ADAMTSL1: variants seen among roughly 807,000 people sequenced by gnomAD.
ADAMTSL1 encodes ADAMTS like 1.
A neutral mutation model predicts 201.8 loss-of-function variants in ADAMTSL1; 126 were observed. The ratio of observed to expected loss-of-function variants is 0.62; its 90% CI spans 0.54 to 0.72. The LOEUF (loss-of-function observed/expected upper bound fraction) is 0.72, where lower values mean the gene tolerates loss of function less well. Among genes scored for constraint, ADAMTSL1 ranks in the 30% least tolerant of loss-of-function variants. The pLI is 0.00. For synonymous variants in ADAMTSL1, 1,121 were observed against 903.4 expected (o/e 1.24, Z -4.32); for missense variants, 2,679 against 2,277.8 (o/e 1.18, Z -3.59).
rs1832841267 is a variant in ADAMTSL1 at position 18,282,790 on chromosome 9, G to A, written c.207+118809G>A. ...CGCAGGCCTGTAATCCCAGCTACTG[G>A]GGAGGCTGAGGCAGGAGAATCGCTT... On this transcript the variant is annotated intron_variant, in intron 2 of 29. Coordinates refer to the ADAMTSL1 transcript ENST00000680146. Among the ~76,000 whole-genome samples the A allele has an allele frequency of 3.3e-5, 5 of 152,176 alleles. No homozygotes were observed. In the South Asian group the frequency reaches 8.3e-4, roughly 25 times the overall value.
At chr9:18,784,499 T>C (rs1477724807) in intron 19 of ADAMTSL1, among the ~76,000 whole-genome samples, 1 of 152,230 alleles carries the variant, frequency 6.6e-6, no homozygotes, top group Non-Finnish European at 1.5e-5. Context: ...TCCTATGCCA[T>C]TGTGGAAGAG....
intron 1 of ADAMTSL1, among the ~76,000 whole-genome samples, chr9:18,079,048 TG>T (rs1456024781): frequency 6.6e-6 from 1 of 152,140 alleles, no homozygotes; most frequent in Admixed American, 6.5e-5. Context: ...AGAGGTGTGC[TG>T]TACTGAACGC....
intron 2 of ADAMTSL1, among the ~76,000 whole-genome samples, chr9:18,199,315 C>G (rs1273215127): frequency 1.3e-5 from 2 of 151,840 alleles, no homozygotes; most frequent in African/African-American, 4.8e-5. Flanking sequence ...CTCACTTTCC[C>G]TAGGAATTGA....
intron 2 of ADAMTSL1, among the ~76,000 whole-genome samples, chr9:18,258,450 C>A (rs1453829420): frequency 6.6e-6 from 1 of 152,178 alleles, no homozygotes; most frequent in Non-Finnish European, 1.5e-5. Context: ...CAGGGAGAGC[C>A]TCAGAGCCTG....
intron 7 of ADAMTSL1, among the ~76,000 whole-genome samples, chr9:18,655,289 G>A (rs1272361124): frequency 6.6e-6 from 1 of 152,148 alleles, no homozygotes; most frequent in Non-Finnish European, 1.5e-5. Flanking sequence ...GCTCTGTCAT[G>A]ACAGTGCAGT....
At chr9:18,879,991 G>A (rs973880371) in intron 23 of ADAMTSL1, among the ~76,000 whole-genome samples, 2 of 152,142 alleles carry the variant, frequency 1.3e-5, no homozygotes, top group Non-Finnish European at 2.9e-5. Context: ...ACCAAGAGTA[G>A]ATTCCATCTC....
At chr9:18,589,378 TC>T (rs1823761121) in intron 4 of ADAMTSL1, among the ~76,000 whole-genome samples, 1 of 152,168 alleles carries the variant, frequency 6.6e-6, no homozygotes, top group Non-Finnish European at 1.5e-5. Context: ...TTCAAATTGA[TC>T]ACTGTTAATA....
chr9:18,881,642 A>G (rs1195599576), intron 23 of ADAMTSL1, among the ~76,000 whole-genome samples: 1 of 152,266 alleles, frequency 6.6e-6, no homozygotes, highest in African/African-American at 2.4e-5. Context: ...ACAGAGACAT[A>G]AAGTATGCAC....
At chr9:18,221,848 TTTTA>T (rs1262393377) in intron 2 of ADAMTSL1, among the ~76,000 whole-genome samples, 1 of 152,076 alleles carries the variant, frequency 6.6e-6, no homozygotes, top group African/African-American at 2.4e-5. Context: ...ATTCTTGTTG[TTTTA>T]TTTATGTCTT....
chr9:18,190,031 G>C (rs1466854580), intron 2 of ADAMTSL1, among the ~76,000 whole-genome samples: 4 of 152,204 alleles, frequency 2.6e-5, no homozygotes, highest in Admixed American at 6.5e-5. Flanking sequence ...GAATGAGCCT[G>C]GTCAGGTTTC....
chr9:18,308,740 C>T (rs1448750077), intron 2 of ADAMTSL1, among the ~76,000 whole-genome samples: 4 of 152,078 alleles, frequency 2.6e-5, no homozygotes, highest in African/African-American at 7.2e-5. Flanking sequence ...GATTCACAGC[C>T]GAATTCTACC....
At chr9:18,197,908 A>G (rs1209116630) in intron 2 of ADAMTSL1, among the ~76,000 whole-genome samples, 1 of 152,016 alleles carries the variant, frequency 6.6e-6, no homozygotes, top group East Asian at 1.9e-4. Flanking sequence ...ACCAAAACAG[A>G]GATATAGATC....
At chr9:17,999,024 G>T (rs1019877428) in intron 1 of ADAMTSL1, among the ~76,000 whole-genome samples, 1 of 151,912 alleles carries the variant, frequency 6.6e-6, no homozygotes, top group Non-Finnish European at 1.5e-5. Flanking sequence ...CTCTCTTTGG[G>T]GAAAACATTC....
At chr9:18,291,713 TCTTTCTCTCTC>T (rs1833271021) in intron 2 of ADAMTSL1, among the ~76,000 whole-genome samples, 1 of 131,998 alleles carries the variant, frequency 7.6e-6, no homozygotes, top group African/African-American at 3.1e-5. Context: ...TCTCTCTCTC[TCTTTCTCTCTC>T]TCTCTCTCTC....
chr9:18,365,365 A>G lies in ADAMTSL1; in HGVS notation c.208-139464A>G, dbSNP rs942319808. Reference sequence around the variant, plus strand: ...TTCAAAAGCAGCACACTCTTTAGAGATGCATTCATATGTAGAAAAACTATA... The same window carrying G: ...TTCAAAAGCAGCACACTCTTTAGAGGTGCATTCATATGTAGAAAAACTATA... On this transcript the variant is annotated intron_variant, in intron 2 of 29. Coordinates refer to the ADAMTSL1 transcript ENST00000680146. Among the ~76,000 whole-genome samples the G allele has an allele frequency of 5.3e-5, 8 of 152,186 alleles. No homozygotes were observed. The South Asian group carries it at 1.7e-3, about 32-fold the overall frequency.
intron 2 of ADAMTSL1, among the ~76,000 whole-genome samples, chr9:18,227,441 CTATAGAT>C (rs1830472616): frequency 6.6e-6 from 1 of 152,086 alleles, no homozygotes; most frequent in Non-Finnish European, 1.5e-5. Flanking sequence ...CTAATGTTGT[CTATAGAT>C]TATAAACTCA....
chr9:18,468,839 C>T (rs1039894092), intron 2 of ADAMTSL1, among the ~76,000 whole-genome samples: 9 of 152,090 alleles, frequency 5.9e-5, no homozygotes, highest in Non-Finnish European at 1.2e-4. Flanking sequence ...TAGGGAGAAC[C>T]GTAAGCCGAG....
intron 14 of ADAMTSL1, among the ~76,000 whole-genome samples, chr9:18,714,940 C>A (rs1423987231): frequency 9.1e-4 from 118 of 129,316 alleles, no homozygotes; most frequent in Middle Eastern, 4.1e-3. Flanking sequence ...AAGGCTGGTT[C>A]AATATATGCA....
chr9:18,150,439 T>C (rs79351751), intron 1 of ADAMTSL1, among the ~76,000 whole-genome samples: 1 of 152,024 alleles, frequency 6.6e-6, no homozygotes, highest in African/African-American at 2.4e-5. Flanking sequence ...AGGAAGATAT[T>C]GATAATTTTA....
Sources: gnomAD v4.1 joint callset for allele counts (sites outside exome capture counted in the v4.1 genomes callset) on GRCh38, gnomAD v4.1.1 for gene constraint, MANE v1.5 for transcripts, NCBI Gene and HGNC (gene_info 2026-07-23, HGNC 2026-07-21) for gene names.